THADA: variants seen among roughly 807,000 people sequenced by gnomAD.
The protein encoded by THADA is tRNA (32-2'-O)-methyltransferase regulator THADA.
A neutral mutation model predicts 219.8 loss-of-function variants in THADA; 213 were observed. The observed-to-expected ratio is 0.97, with a 90% CI of 0.87 to 1.09. The LOEUF (loss-of-function observed/expected upper bound fraction) is 1.09, where lower values mean the gene tolerates loss of function less well. THADA is among the 50% of genes least tolerant of loss of function. The pLI is 0.00. For missense variants in THADA, 2,956 were observed against 2,311.3 expected, an observed-to-expected ratio of 1.28 and a Z score of -5.72; for synonymous variants, 1,018 against 828.9, an observed-to-expected ratio of 1.23 and a Z score of -3.92.
intron 31 of THADA, among the ~76,000 whole-genome samples, chr2:43,303,964 C>A (rs1035968413): frequency 1.3e-5 from 2 of 152,216 alleles, no homozygotes; most frequent in African/African-American, 4.8e-5. Context: ...AGGGACCGCA[C>A]TTTCAAGGCC....
chr2:43,384,997 C>T (rs1016936283), intron 29 of THADA, among the ~76,000 whole-genome samples: 2 of 151,714 alleles, frequency 1.3e-5, no homozygotes, highest in African/African-American at 2.4e-5. Flanking sequence ...AAAAATTAGC[C>T]AGGTGTGGTG....
chr2:43,509,124 T>C (rs1690066028), intron 22 of THADA, among the ~76,000 whole-genome samples: 2 of 152,206 alleles, frequency 1.3e-5, no homozygotes, highest in African/African-American at 2.4e-5. Flanking sequence ...ACAAAGAGAA[T>C]ATAAGTTTAT....
intron 28 of THADA, among the ~76,000 whole-genome samples, chr2:43,425,189 G>A (rs1459423907): frequency 6.6e-6 from 1 of 152,138 alleles, no homozygotes; most frequent in East Asian, 1.9e-4. Flanking sequence ...CTTGCTCTCT[G>A]AACCTCAATT....
chr2:43,523,079 G>C (rs1021750441), intron 22 of THADA, among the ~76,000 whole-genome samples: 4 of 152,048 alleles, frequency 2.6e-5, no homozygotes, highest in African/African-American at 9.7e-5. Context: ...GTAAATAAAA[G>C]TTTAGGCTGG....
At chr2:43,549,121 A>T (rs778402044) in intron 20 of THADA, 89 bp downstream of exon 20, 8 of 1,172,242 alleles carry the variant, frequency 6.8e-6, no homozygotes, top group Middle Eastern at 5.9e-4. Flanking sequence ...ACAGATTTGC[A>T]ACCTCTAATT....
intron 36 of THADA, among the ~76,000 whole-genome samples, chr2:43,253,994 C>T (rs979069746): frequency 1.3e-5 from 2 of 152,094 alleles, no homozygotes; most frequent in Non-Finnish European, 1.5e-5. Context: ...CCCCTCCACA[C>T]CTTTTAGTCC....
intron 25 of THADA, among the ~76,000 whole-genome samples, chr2:43,498,044 T>C (rs1212877153): frequency 3.3e-5 from 5 of 152,152 alleles, no homozygotes; most frequent in East Asian, 3.8e-4. Context: ...GATGTGTGTA[T>C]ACTGATAAAC....
chr2:43,282,736 T>A (rs561066809), intron 35 of THADA, among the ~76,000 whole-genome samples: 20 of 152,282 alleles, frequency 1.3e-4, no homozygotes, highest in Admixed American at 9.1e-4. Context: ...TGACACAATT[T>A]AAAAAATTTT....
chr2:43,527,925 C>G lies in THADA; in HGVS notation c.3328G>C (p.Glu1110Gln). ...TTCACAAAACCAGTATAAGCCAATT[C>G]AAATGCTCCTCTGTGCCTGGACTGC... ...LLQSRHRGAF[E>Q]LAYTGFVKLT... Residue 1110 changes from glutamate to glutamine, a missense_variant, in exon 22 of 38, where the codon GAA (glutamate) becomes CAA (glutamine). Transcript: ENST00000405975. 1 of 1,613,680 alleles carries G rather than the reference C, an allele frequency of 6.2e-7. No homozygotes were observed. Among genetic ancestry groups the G allele is most frequent in the Non-Finnish European group, 8.5e-7 (1 of 1,179,740 alleles).
chr2:43,307,320 TG>T (rs1325068536), intron 31 of THADA, among the ~76,000 whole-genome samples: 1 of 152,198 alleles, frequency 6.6e-6, no homozygotes, highest in African/African-American at 2.4e-5. Flanking sequence ...CTGGAATTTG[TG>T]GGGCACAATA....
At chr2:43,543,354 T>C (rs1014159365) in intron 20 of THADA, among the ~76,000 whole-genome samples, 11 of 149,706 alleles carry the variant, frequency 7.3e-5, no homozygotes, top group African/African-American at 2.7e-4. Flanking sequence ...TGTGTCTTTA[T>C]AGCAGCATGA....
intron 30 of THADA, among the ~76,000 whole-genome samples, chr2:43,321,020 A>G (rs999245203): frequency 1.1e-4 from 16 of 152,244 alleles, no homozygotes; most frequent in Middle Eastern, 3.2e-3. Flanking sequence ...CCAGCTGAAC[A>G]ATAGACACAT....
intron 30 of THADA, among the ~76,000 whole-genome samples, chr2:43,329,670 C>T (rs766952658): frequency 3.9e-5 from 6 of 151,982 alleles, no homozygotes; most frequent in Non-Finnish European, 7.4e-5. Context: ...GGGCAGAAAC[C>T]AAGAATAGAA....
intron 25 of THADA, among the ~76,000 whole-genome samples, chr2:43,485,778 C>T (rs1169005595): frequency 6.6e-6 from 1 of 151,904 alleles, no homozygotes. Flanking sequence ...ACCTGTAATC[C>T]CAGCTACTTG....
chr2:43,540,314 G>A (rs1251153920), intron 21 of THADA, among the ~76,000 whole-genome samples: 3 of 152,164 alleles, frequency 2.0e-5, no homozygotes, highest in Non-Finnish European at 4.4e-5. Flanking sequence ...AAGCGCAGCT[G>A]TTAACCAGAT....
chr2:43,493,241 A>G (rs1404296952), intron 25 of THADA, among the ~76,000 whole-genome samples: 1 of 152,218 alleles, frequency 6.6e-6, no homozygotes, highest in Non-Finnish European at 1.5e-5. Context: ...TCACACCTGT[A>G]ATTCCAGCAA....
At chr2:43,509,430 G>A (rs1351281858) in intron 22 of THADA, among the ~76,000 whole-genome samples, 1 of 152,134 alleles carries the variant, frequency 6.6e-6, no homozygotes. Context: ...CTACTAGACT[G>A]TATAACATTG....
At position 43,489,874 on chromosome 2, in the gene THADA, C is replaced by CAAAAAAAAAAAAAAAAAAA. The variant is rs201735523; in HGVS notation, c.3745-4568_3745-4550dup. ...ATTTCCATATGTATTTTAAGATCTG[C>CAAAAAAAAAAAAAAAAAAA]AAAAAAAAAAAAAAAAAAAAGCTAG... On this transcript the variant is annotated intron_variant, in intron 25 of 37. Transcript: ENST00000405975. Among the ~76,000 whole-genome samples, 433 of 56,000 alleles carry CAAAAAAAAAAAAAAAAAAA rather than the reference C, an allele frequency of 7.7e-3. 30 individuals carry two copies. Among genetic ancestry groups the CAAAAAAAAAAAAAAAAAAA allele is most frequent in the African/African-American group, 0.011 (171 of 14,996 alleles). 36.7% of individuals were successfully genotyped at this position (56,000 alleles called of 152,430 possible).
At position 43,546,829 on chromosome 2, in the gene THADA, T is replaced by G. The variant is rs191542166; in HGVS notation, c.3106+2381A>C. On this transcript the variant is annotated intron_variant, in intron 20 of 37. Coordinates refer to ENST00000405975, the MANE Select transcript of THADA (RefSeq NM_022065.5). The stretch of plus-strand genomic sequence containing the variant: ...TGGGTCTTGACTCTTTTATCCAATT[T>G]GCCAGCCTGTGTCTTTCAATTGGAG... Among the ~76,000 whole-genome samples, 473 of 152,344 alleles carry G rather than the reference T, an allele frequency of 3.1e-3. 2 individuals carry two copies. Among genetic ancestry groups the G allele is most frequent in the Middle Eastern group, 6.8e-3 (2 of 294 alleles).
Sources: allele counts gnomAD v4.1 joint callset (sites outside exome capture counted in the v4.1 genomes callset), GRCh38; gene constraint gnomAD v4.1.1; transcripts MANE v1.5; gene names NCBI Gene and HGNC (gene_info 2026-07-23, HGNC 2026-07-21).